KLHL1: variants seen among roughly 807,000 people sequenced by gnomAD.
KLHL1 encodes kelch-like protein 1.
A neutral mutation model predicts 77.7 loss-of-function variants in KLHL1; 47 were observed. That is an observed-to-expected ratio of 0.60 (90% confidence interval 0.48 to 0.77). The LOEUF (loss-of-function observed/expected upper bound fraction) is 0.77, where lower values mean the gene tolerates loss of function less well. Among genes scored for constraint, KLHL1 ranks in the 30% least tolerant of loss-of-function variants. KLHL1 has a pLI of 0.00. For synonymous variants in KLHL1, 360 were observed against 325.2 expected, an observed-to-expected ratio of 1.11 and a Z score of -1.15; for missense variants, 925 against 910.8, an observed-to-expected ratio of 1.02 and a Z score of -0.20.
intron 5 of KLHL1, among the ~76,000 whole-genome samples, chr13:69,880,525 T>C (rs1271234238): frequency 6.6e-6 from 1 of 152,166 alleles, no homozygotes; most frequent in East Asian, 1.9e-4. Context: ...TTTTATATCT[T>C]AATTTTAATA....
chr13:69,912,945 T>C (rs1420368791), intron 4 of KLHL1, among the ~76,000 whole-genome samples: 1 of 152,100 alleles, frequency 6.6e-6, no homozygotes, highest in African/African-American at 2.4e-5. Flanking sequence ...GTGGGCAGCA[T>C]TGTGAGCAAC....
intron 5 of KLHL1, among the ~76,000 whole-genome samples, chr13:69,859,988 T>C (rs1354909203): frequency 5.3e-5 from 8 of 152,078 alleles, no homozygotes; most frequent in African/African-American, 1.9e-4. Flanking sequence ...TTTAGTATGA[T>C]ACCATCCCTG....
At chr13:69,957,254 G>A (rs763528933) in intron 3 of KLHL1, among the ~76,000 whole-genome samples, 5 of 151,710 alleles carry the variant, frequency 3.3e-5, no homozygotes, top group South Asian at 2.1e-4. Context: ...CAAGTAGATA[G>A]TGATACATAG....
At chr13:70,013,591 A>C (rs2137341675) in intron 1 of KLHL1, among the ~76,000 whole-genome samples, 1 of 152,272 alleles carries the variant, frequency 6.6e-6, no homozygotes, top group South Asian at 2.1e-4. Context: ...GATTTTTAAT[A>C]GTTAATTTTT....
At chr13:69,914,810 G>T (rs1236885964) in intron 4 of KLHL1, among the ~76,000 whole-genome samples, 1 of 152,034 alleles carries the variant, frequency 6.6e-6, no homozygotes, top group Non-Finnish European at 1.5e-5. Context: ...CAATCATTTA[G>T]GATAGGAATT....
chr13:69,780,703 T>TATATATATATATATATATATATATATAC, intron 7 of KLHL1, among the ~76,000 whole-genome samples: 1 of 12,258 alleles, frequency 8.2e-5, no homozygotes, highest in Admixed American at 9.4e-4. Flanking sequence ...TATATATATG[T>TATATATATATATATATATATATATATAC]ATATATATAT....
At chr13:70,100,970 T>C (rs1374592188) in intron 1 of KLHL1, among the ~76,000 whole-genome samples, 1 of 152,172 alleles carries the variant, frequency 6.6e-6, no homozygotes, top group Non-Finnish European at 1.5e-5. Context: ...AGATAACAGT[T>C]TTCTGTATAT....
intron 9 of KLHL1, among the ~76,000 whole-genome samples, chr13:69,710,837 G>C (rs1204027284): frequency 6.6e-6 from 1 of 151,926 alleles, no homozygotes; most frequent in Non-Finnish European, 1.5e-5. Flanking sequence ...ATAAGGTGGT[G>C]GGTGTGGGGT....
At chr13:69,872,305 G>A (rs915103044) in intron 5 of KLHL1, among the ~76,000 whole-genome samples, 2 of 152,054 alleles carry the variant, frequency 1.3e-5, no homozygotes, top group Non-Finnish European at 2.9e-5. Flanking sequence ...TGAGCAATCG[G>A]CCTGTTTTAC....
At chr13:70,047,988 G>A (rs1024089269) in intron 1 of KLHL1, among the ~76,000 whole-genome samples, 2 of 152,114 alleles carry the variant, frequency 1.3e-5, no homozygotes, top group African/African-American at 2.4e-5. Context: ...AGTCATTGAT[G>A]AGATATTTTT....
chr13:69,848,723 A>G (rs1879569020), intron 5 of KLHL1, among the ~76,000 whole-genome samples: 1 of 151,532 alleles, frequency 6.6e-6, no homozygotes, highest in African/African-American at 2.4e-5. Flanking sequence ...ACAAGAAAAA[A>G]ATGCATATGA....
chr13:69,986,200 G>A (rs1446473037), intron 1 of KLHL1, among the ~76,000 whole-genome samples: 2 of 151,856 alleles, frequency 1.3e-5, no homozygotes, highest in African/African-American at 4.8e-5. Flanking sequence ...GAGAAGAATG[G>A]GAAGAGATTG....
chr13:69,937,054 A>G (rs1291469647), intron 4 of KLHL1, among the ~76,000 whole-genome samples: 1 of 152,156 alleles, frequency 6.6e-6, no homozygotes, highest in Non-Finnish European at 1.5e-5. Flanking sequence ...CCATCTAGAG[A>G]AAGGATTGCT....
chr13:69,724,541 AAAAC>A (rs960286969), intron 8 of KLHL1, among the ~76,000 whole-genome samples: 16 of 152,202 alleles, frequency 1.1e-4, no homozygotes, highest in East Asian at 7.7e-4. Flanking sequence ...GACACCACCA[AAAAC>A]AAACAAACAA....
intron 1 of KLHL1, among the ~76,000 whole-genome samples, chr13:70,075,457 T>G (rs1484143023): frequency 6.7e-6 from 1 of 149,870 alleles, no homozygotes; most frequent in African/African-American, 2.4e-5. Context: ...AAAACCTTTT[T>G]GTTAAAACTT....
chr13:69,919,836 A>G (rs1196522663), intron 4 of KLHL1, among the ~76,000 whole-genome samples: 3 of 152,192 alleles, frequency 2.0e-5, no homozygotes, highest in African/African-American at 4.8e-5. Context: ...AAGGTCACAT[A>G]TATTTATTTC....
At chr13:69,838,101 T>G (rs925987475) in intron 6 of KLHL1, among the ~76,000 whole-genome samples, 1 of 151,538 alleles carries the variant, frequency 6.6e-6, no homozygotes, top group African/African-American at 2.4e-5. Flanking sequence ...CTCTATTGAT[T>G]ACATCAGTTT....
chr13:69,838,307 A>G (rs1267910956), intron 6 of KLHL1, among the ~76,000 whole-genome samples: 1 of 151,828 alleles, frequency 6.6e-6, no homozygotes, highest in Non-Finnish European at 1.5e-5. Flanking sequence ...TTAGAAACAA[A>G]CATGAAAATT....
At chr13:70,091,932 C>A (rs2137443002) in intron 1 of KLHL1, among the ~76,000 whole-genome samples, 1 of 152,166 alleles carries the variant, frequency 6.6e-6, no homozygotes, top group East Asian at 1.9e-4. Flanking sequence ...AGAGAAGAAT[C>A]CTCTTATCTT....
Sources: gnomAD v4.1 joint callset for allele counts (sites outside exome capture counted in the v4.1 genomes callset) on GRCh38, gnomAD v4.1.1 for gene constraint, MANE v1.5 for transcripts, NCBI Gene and HGNC (gene_info 2026-07-23, HGNC 2026-07-21) for gene names.